Variants in TXNRD2 observed in about 807,000 individuals in gnomAD.
TXNRD2 encodes the protein thioredoxin reductase 2, mitochondrial.
In TXNRD2, 67 loss-of-function variants were observed where a neutral mutation model predicts 70.8. The ratio of observed to expected loss-of-function variants is 0.95; its 90% CI spans 0.78 to 1.16. TXNRD2 has a LOEUF of 1.16. Among genes scored for constraint, TXNRD2 ranks in the 50% most tolerant of loss-of-function variants. TXNRD2 has a pLI of 0.00. For missense variants in TXNRD2, 644 were observed against 719.9 expected (o/e 0.89, Z 1.21); for synonymous variants, 301 against 295.8 (o/e 1.02, Z -0.18).
Position 19,911,386 on chromosome 22 carries a change from G to A in TXNRD2, c.653C>T (p.Pro218Leu). The A allele has an allele frequency of 6.2e-7, 1 of 1,613,818 alleles. No individual in the cohort carries two copies. The highest frequency in any genetic ancestry group is 8.5e-7 in the Non-Finnish European group (1 of 1,179,760). ...CACGCGCAGGCCTTACGTTTTTCCA[G>A]GGGATTCCTTCAGCCAGAAGATGTC... ...SDDIFWLKESPGKTLVVGASY... is the reference protein window; with the variant it reads ...SDDIFWLKESLGKTLVVGASY... The change falls in exon 8 of 18, where the codon CCT (proline) becomes CTT (leucine). Residue 218 changes from proline (P) to leucine (L), a missense_variant. Physicochemically the swap from Pro to Leu is moderately conservative, Grantham distance 98 (BLOSUM62 -3). Transcript: ENST00000400521.
rs185324040 is a variant in TXNRD2, at chr22:19,913,975, C to T, written c.591+1239G>A. Among the ~76,000 whole-genome samples, 91 of 152,302 alleles carry T rather than the reference C, an allele frequency of 6.0e-4. 1 individual carries two copies. Among genetic ancestry groups the T allele is most frequent in the Middle Eastern group, 3.4e-3 (1 of 294 alleles). On this transcript the variant is annotated intron_variant, in intron 7 of 17. Transcript: ENST00000400521. ...GAATAAGAGTCTACAAAGTCAGTTC[C>T]GAAAAGTCACCAAATAAGCAGCTGT...
chr22:19,925,493 G>A (rs1277700992), intron 2 of TXNRD2, among the ~76,000 whole-genome samples: 1 of 151,884 alleles, frequency 6.6e-6, no homozygotes, highest in Non-Finnish European at 1.5e-5. Context: ...GGGTGAGTAT[G>A]TGAGATTTTC....
chr22:19,904,688 G>A (rs1023811085), intron 8 of TXNRD2, among the ~76,000 whole-genome samples: 6 of 152,184 alleles, frequency 3.9e-5, no homozygotes, highest in African/African-American at 7.2e-5. Context: ...CGTGCACGCC[G>A]CAGAGCCCAC....
In TXNRD2 at chr22:19,895,589, G is replaced by A. The variant is rs1452168947; in HGVS notation, c.775-8C>T. ...GACCATGGAGGACATTTGCTGCAAA[G>A]CACAAGAAGACAGGCCATGAAGACC... On this transcript the variant is annotated splice_region_variant and splice_polypyrimidine_tract_variant and intron_variant, in intron 10 of 17. Transcript: ENST00000400521. 29 of 1,609,218 alleles carry A rather than the reference G, an allele frequency of 1.8e-5. No homozygotes were observed. The highest frequency in any genetic ancestry group is 2.3e-5 in the Non-Finnish European group (27 of 1,180,018).
intron 10 of TXNRD2, among the ~76,000 whole-genome samples, chr22:19,897,801 T>A (rs1840393155): frequency 6.6e-6 from 1 of 152,240 alleles, no homozygotes; most frequent in African/African-American, 2.4e-5. Context: ...CTCCCTTCAC[T>A]GTGCCTGTGG....
Position 19,933,359 on chromosome 22 carries a change from T to C in TXNRD2, c.104-2261A>G, listed in dbSNP as rs1941434563. The stretch of plus-strand genomic sequence containing the variant: ...ATGCCACCAGGTCCCCCGGGGAGCA[T>C]GAACCTGCTGATGGAGAAGCATCTC... On this transcript the variant is annotated intron_variant, in intron 1 of 17. Coordinates refer to ENST00000400521, the MANE Select transcript of TXNRD2 (RefSeq NM_006440.5). 3.8e-6 allele frequency: 4 copies of C among 1,055,364 alleles called. No homozygotes were observed. The Admixed American group carries it at 9.3e-5, about 24-fold the overall frequency. 65.4% of individuals were successfully genotyped at this position (1,055,364 alleles called of 1,614,324 possible).
At chr22:19,903,980 A>G (rs1939893669) in intron 8 of TXNRD2, among the ~76,000 whole-genome samples, 1 of 152,206 alleles carries the variant, frequency 6.6e-6, no homozygotes, top group Admixed American at 6.5e-5. Flanking sequence ...CCTGTCTTGC[A>G]GTTCCAGAGA....
intron 1 of TXNRD2, among the ~76,000 whole-genome samples, chr22:19,936,821 C>T (rs377532241): frequency 2.6e-5 from 4 of 152,066 alleles, no homozygotes; most frequent in Non-Finnish European, 2.9e-5. Flanking sequence ...ACTTCTATGC[C>T]GACTCTATCT....
At position 19,878,074 on chromosome 22, in the gene TXNRD2, A is replaced by G. The variant is rs200511688; in HGVS notation, c.1445+16T>C. 6.8e-6 allele frequency: 11 copies of G among 1,610,700 alleles called. No individual in the cohort carries two copies. The highest frequency in any genetic ancestry group is 2.2e-5 in the East Asian group (1 of 44,852). ...AGCTGCACATCGCATCGCAGCCTGC[A>G]TTCCTCGGGACTTACTTGATCCCCA... On this transcript the variant is annotated intron_variant, in intron 16 of 17. Coordinates refer to ENST00000400521, the MANE Select transcript of TXNRD2 (RefSeq NM_006440.5).
chr22:19,893,728 G>A (rs1293722979), intron 11 of TXNRD2, among the ~76,000 whole-genome samples: 3 of 152,236 alleles, frequency 2.0e-5, no homozygotes, highest in African/African-American at 7.2e-5. Flanking sequence ...GTTGTAGCCA[G>A]CCCACGCCTG....
At position 19,898,053 on chromosome 22, in the gene TXNRD2, G is replaced by A. The variant is rs183950022; in HGVS notation, c.760C>T (p.Arg254Cys). 52 of 1,558,734 alleles carry A rather than the reference G, an allele frequency of 3.3e-5. No homozygotes were observed. In the Admixed American group the frequency reaches 6.0e-4, roughly 18 times the overall value. Residue 254 changes from arginine to cysteine, a missense_variant, in exon 10 of 18, where the codon CGC (arginine) becomes TGC (cysteine). By Grantham distance (180) the Arg-to-Cys change is radical. Around this residue, in one of 3 missense-constraint regions of TXNRD2, gnomAD observed 566 missense variants for 645.0 expected, o/e 0.88. Transcript: ENST00000400521. ...TCCAGCACTACCTGGTCGAAGCCGC[G>A]GAGGGGGATGCTGCGCATCATGATG... ...TTIMMRSIPL[R>C]GFDQQMSSMV...
At chr22:19,913,117 C>A (rs1161703139) in intron 7 of TXNRD2, among the ~76,000 whole-genome samples, 1 of 152,184 alleles carries the variant, frequency 6.6e-6, no homozygotes, top group Non-Finnish European at 1.5e-5. Flanking sequence ...CAGCTGCCCC[C>A]CAACCCCTCA....
chr22:19,934,159 T>C, intron 1 of TXNRD2, among the ~76,000 whole-genome samples: 1 of 152,086 alleles, frequency 6.6e-6, no homozygotes, highest in Non-Finnish European at 1.5e-5. Flanking sequence ...GCAGCAGGTG[T>C]TGTCATTCTG....
At chr22:19,928,451 G>C (rs1468297754) in intron 2 of TXNRD2, among the ~76,000 whole-genome samples, 1 of 152,212 alleles carries the variant, frequency 6.6e-6, no homozygotes, top group Non-Finnish European at 1.5e-5. Flanking sequence ...ATTACCCTGA[G>C]TGAAAGAAGC....
At chr22:19,920,901 G>C (rs964989446) in intron 2 of TXNRD2, among the ~76,000 whole-genome samples, 2 of 152,184 alleles carry the variant, frequency 1.3e-5, no homozygotes, top group Non-Finnish European at 2.9e-5. Context: ...AGGAGATCGA[G>C]AACATCCTGG....
chr22:19,895,333 AG>A, intron 11 of TXNRD2, 73 bp downstream of exon 11: 2 of 1,607,352 alleles, frequency 1.2e-6, no homozygotes, highest in Non-Finnish European at 1.7e-6. Flanking sequence ...GGGAGGTGAC[AG>A]GAAGTGGGGC....
At chr22:19,899,574 G>A (rs60123850) in intron 8 of TXNRD2, among the ~76,000 whole-genome samples, 165 of 152,384 alleles carry the variant, frequency 1.1e-3, no homozygotes, top group African/African-American at 3.8e-3. Context: ...GCTCCCCAGA[G>A]AGGGGACTGA....
intron 11 of TXNRD2, among the ~76,000 whole-genome samples, chr22:19,886,950 A>T (rs1939060085): frequency 1.3e-5 from 2 of 152,198 alleles, no homozygotes; most frequent in African/African-American, 4.8e-5. Flanking sequence ...AAGGGCGGCC[A>T]GCTGAGTGGG....
chr22:19,903,074 G>T, intron 8 of TXNRD2: 1 of 517,676 alleles, frequency 1.9e-6, no homozygotes, highest in East Asian at 5.5e-5. Flanking sequence ...GCAGCAGGCT[G>T]GTGGAGCAGC....
Sources: allele counts gnomAD v4.1 joint callset (sites outside exome capture counted in the v4.1 genomes callset), GRCh38; gene constraint gnomAD v4.1.1; regional missense constraint gnomAD v4.1.1; transcripts MANE v1.5; gene names NCBI Gene and HGNC (gene_info 2026-07-23, HGNC 2026-07-21).